The following TCP11L2 variants were observed in gnomAD, a reference collection of about 807,000 sequenced individuals.
TCP11L2 encodes T-complex protein 11-like protein 2.
A neutral mutation model predicts 50.7 loss-of-function variants in TCP11L2; 39 were observed. That is an observed-to-expected ratio of 0.77 (90% CI 0.60 to 1.01). The LOEUF (loss-of-function observed/expected upper bound fraction) is 1.01, where lower values mean the gene tolerates loss of function less well. TCP11L2 is among the 50% of genes least tolerant of loss of function. The pLI is 0.00. For missense variants in TCP11L2, 612 were observed against 614.7 expected, an observed-to-expected ratio of 1.00 and a Z score of 0.05; for synonymous variants, 192 against 219.3, an observed-to-expected ratio of 0.88 and a Z score of 1.10.
At chr12:106,334,387 G>C (rs985886360) in intron 6 of TCP11L2, among the ~76,000 whole-genome samples, 4 of 152,160 alleles carry the variant, frequency 2.6e-5, no homozygotes, top group East Asian at 3.9e-4. Context: ...CATTCATTCA[G>C]ATGTCCAAGG....
chr12:106,335,998 C>G, intron 7 of TCP11L2, 34 bp from the exon 8 acceptor site: 2 of 1,541,386 alleles, frequency 1.3e-6, no homozygotes, highest in Non-Finnish European at 1.7e-6. Context: ...TTGAGCTACC[C>G]TTTCTATTTT....
intron 6 of TCP11L2, among the ~76,000 whole-genome samples, chr12:106,327,184 C>T (rs1050625379): frequency 6.6e-6 from 1 of 151,512 alleles, no homozygotes; most frequent in South Asian, 2.1e-4. Flanking sequence ...TTCTTTCCTT[C>T]TTTTTTTTCC....
intron 6 of TCP11L2, 92 bp downstream of exon 6, chr12:106,323,738 TTAAATTAATA>T (rs2035437570): frequency 1.9e-5 from 9 of 467,956 alleles, no homozygotes; most frequent in East Asian, 1.1e-4. Context: ...TTAAATTAAA[TTAAATTAATA>T]AATAAATAAA....
At chr12:106,321,205 C>G (rs1031370703) in intron 4 of TCP11L2, among the ~76,000 whole-genome samples, 1 of 152,192 alleles carries the variant, frequency 6.6e-6, no homozygotes, top group Non-Finnish European at 1.5e-5. Context: ...TAAGGACTTA[C>G]TGTGCTTTCA....
intron 8 of TCP11L2, 80 bp downstream of exon 8, chr12:106,336,293 C>T: frequency 7.6e-7 from 1 of 1,315,224 alleles, no homozygotes; most frequent in Non-Finnish European, 1.0e-6. Flanking sequence ...TGACCTTGGA[C>T]ATCTGGATGT....
intron 5 of TCP11L2, among the ~76,000 whole-genome samples, chr12:106,323,118 A>G (rs564510187): frequency 2.6e-5 from 4 of 152,318 alleles, no homozygotes; most frequent in African/African-American, 7.2e-5. Context: ...GAGGCTGCCT[A>G]ACTCTAAAAG....
upstream of TCP11L2, among the ~76,000 whole-genome samples, chr12:106,299,785 C>T (rs2034382852): frequency 6.6e-6 from 1 of 152,158 alleles, no homozygotes; most frequent in Non-Finnish European, 1.5e-5. Context: ...GCTAAATTTG[C>T]ATTACATTAA....
At chr12:106,313,873 C>T (rs2034960753) in intron 2 of TCP11L2, among the ~76,000 whole-genome samples, 1 of 148,550 alleles carries the variant, frequency 6.7e-6, no homozygotes. Flanking sequence ...TCACGCCATT[C>T]TCCTGCCTCA....
intron 9 of TCP11L2, among the ~76,000 whole-genome samples, chr12:106,344,201 T>C (rs2036168537): frequency 6.6e-6 from 1 of 151,996 alleles, no homozygotes; most frequent in South Asian, 2.1e-4. Context: ...TCACCTTTGT[T>C]TGCCTTCTTC....
chr12:106,305,276 T>C (rs2034582823), intron 1 of TCP11L2, among the ~76,000 whole-genome samples: 1 of 151,724 alleles, frequency 6.6e-6, no homozygotes, highest in Admixed American at 6.6e-5. Flanking sequence ...GAACTTATCA[T>C]AGAACAGTTA....
At chr12:106,320,876 T>C (rs970339079) in intron 4 of TCP11L2, among the ~76,000 whole-genome samples, 11 of 152,194 alleles carry the variant, frequency 7.2e-5, no homozygotes, top group Non-Finnish European at 1.2e-4. Flanking sequence ...TCCTTAAGAA[T>C]TTTTGTTTGC....
rs181987657 is a variant in TCP11L2 at position 106,322,280 on chromosome 12, C to G, written c.635+574C>G. Among the ~76,000 whole-genome samples the G allele has an allele frequency of 1.0e-3, 156 of 152,254 alleles. 4 individuals are homozygous for G. In the East Asian group the frequency reaches 0.017, roughly 16 times the overall value. On this transcript the variant is annotated intron_variant, in intron 5 of 9. Coordinates refer to ENST00000299045, the MANE Select transcript of TCP11L2 (RefSeq NM_152772.3). ...CTTGCTCAGGTCCTTACAGTCCTCT[C>G]CATTCAGCTGGCAAATGGGAAAGAG...
At chr12:106,302,403 GCTCA>G (rs34553566), upstream of TCP11L2, among the ~76,000 whole-genome samples, 4,191 of 55,782 alleles carry the variant, frequency 0.075, 562 homozygotes, top group African/African-American at 0.1. Flanking sequence ...CTCAGCCCCC[GCTCA>G]GCCCCCGCTC....
intron 8 of TCP11L2, 59 bp downstream of exon 8, chr12:106,336,272 G>T: frequency 6.7e-7 from 1 of 1,481,566 alleles, no homozygotes; most frequent in Non-Finnish European, 9.1e-7. Flanking sequence ...ATGTGTCTCA[G>T]AGAACAAGAA....
intron 1 of TCP11L2, among the ~76,000 whole-genome samples, chr12:106,304,856 C>T (rs771748891): frequency 5.3e-5 from 8 of 152,190 alleles, no homozygotes; most frequent in Non-Finnish European, 1.2e-4. Flanking sequence ...ATGGCTCCCT[C>T]CTAGAGGATT....
At chr12:106,312,572 T>A in intron 2 of TCP11L2, 1 of 343,672 alleles carries the variant, frequency 2.9e-6, no homozygotes, top group Non-Finnish European at 4.3e-6. Context: ...TCCCTGATCC[T>A]CCTCCTCATC....
At chr12:106,322,460 C>T (rs2035374469) in intron 5 of TCP11L2, among the ~76,000 whole-genome samples, 1 of 152,160 alleles carries the variant, frequency 6.6e-6, no homozygotes, top group Non-Finnish European at 1.5e-5. Context: ...CACAAATTTG[C>T]ACTGCAGGGA....
chr12:106,318,207 T>C, intron 3 of TCP11L2, 137 bp from the exon 4 acceptor site: 1 of 1,010,794 alleles, frequency 9.9e-7, no homozygotes, highest in Non-Finnish European at 1.4e-6. Flanking sequence ...AAGAAAAATA[T>C]TAAAAGATTA....
intron 1 of TCP11L2, among the ~76,000 whole-genome samples, chr12:106,308,788 G>A (rs1452590564): frequency 7.2e-5 from 11 of 152,162 alleles, no homozygotes; most frequent in Admixed American, 7.2e-4. Context: ...CCTGGTTAAC[G>A]TGTCATGATA....
Sources: allele counts gnomAD v4.1 joint callset (sites outside exome capture counted in the v4.1 genomes callset), GRCh38; gene constraint gnomAD v4.1.1; transcripts MANE v1.5; gene names NCBI Gene and HGNC (gene_info 2026-07-23, HGNC 2026-07-21).